DNAJC9: variants seen among roughly 807,000 people sequenced by gnomAD.
The protein encoded by DNAJC9 is DnaJ heat shock protein family (Hsp40) member C9, also known as dnaJ homolog subfamily C member 9.
In DNAJC9, 18 loss-of-function variants were observed where a neutral mutation model predicts 32.4. That is an observed-to-expected ratio of 0.56 (90% confidence interval 0.38 to 0.82). The LOEUF is 0.82. Among genes scored for constraint, DNAJC9 ranks in the 40% least tolerant of loss-of-function variants. DNAJC9 has a pLI of 0.00. For synonymous variants in DNAJC9, 113 were observed against 122.1 expected (o/e 0.93, Z 0.49); for missense variants, 310 against 321.8 (o/e 0.96, Z 0.28).
At chr10:73,244,409 A>C (rs1479061825) in intron 3 of DNAJC9, 1 of 152,348 alleles carries the variant, frequency 6.6e-6, no homozygotes, top group Non-Finnish European at 1.5e-5. Context: ...AGGTGGGAAG[A>C]TGGCTTCAGT....
chr10:73,234,943 A>G, downstream of DNAJC9: 1 of 1,551,886 alleles, frequency 6.4e-7, no homozygotes, highest in South Asian at 1.2e-5. Flanking sequence ...GACAGATGGT[A>G]TGTTTCTTTC....
chr10:73,244,857 C>A (rs1328964717), intron 3 of DNAJC9, among the ~76,000 whole-genome samples: 1 of 152,194 alleles, frequency 6.6e-6, no homozygotes, highest in African/African-American at 2.4e-5. Flanking sequence ...TTAGGACCCC[C>A]TATCCCAATA....
downstream of DNAJC9, chr10:73,241,582 G>C (rs2043953723): frequency 6.5e-6 from 1 of 154,626 alleles, no homozygotes; most frequent in Non-Finnish European, 1.4e-5. Context: ...TAAATGTTAA[G>C]CATTAGTATA....
At position 73,247,205 on chromosome 10, in the gene DNAJC9, G is replaced by A. The variant is rs749151712; in HGVS notation, c.-16C>T. 2.1e-4 allele frequency: 325 copies of A among 1,581,180 alleles called. 1 individual carries two copies. Among genetic ancestry groups the A allele is most frequent in the Non-Finnish European group, 2.5e-4 (289 of 1,164,874 alleles). On this transcript the variant is annotated 5_prime_UTR_variant, in exon 1 of 5. Coordinates refer to ENST00000372950, the MANE Select transcript of DNAJC9 (RefSeq NM_015190.5). ...GCAGCCCCATGCCGGGCGGAGATACGACCCCGGAGGAAGCAGCCGCTCCCA... is the reference window on the plus strand; with the variant it reads ...GCAGCCCCATGCCGGGCGGAGATACAACCCCGGAGGAAGCAGCCGCTCCCA...
downstream of DNAJC9, chr10:73,239,100 T>C: frequency 2.0e-6 from 1 of 500,334 alleles, no homozygotes; most frequent in Non-Finnish European, 3.6e-6. Flanking sequence ...TATTGAAGAA[T>C]CTGCAATTTT....
downstream of DNAJC9, among the ~76,000 whole-genome samples, chr10:73,237,668 T>A (rs1307537566): frequency 6.6e-6 from 1 of 152,104 alleles, no homozygotes; most frequent in African/African-American, 2.4e-5. Flanking sequence ...GTGATCCACC[T>A]ACCTTGGCCT....
At chr10:73,246,249 G>C in intron 2 of DNAJC9, 73 bp from the exon 3 acceptor site, 1 of 1,513,044 alleles carries the variant, frequency 6.6e-7, no homozygotes. Flanking sequence ...TAAAACTAGA[G>C]TTGGGTGTTG....
rs748071191 is a variant in DNAJC9, at chr10:73,246,860, T to A, written c.181-32A>T. 3.7e-6 allele frequency: 6 copies of A among 1,611,588 alleles called. No individual in the cohort carries two copies. In the Admixed American group the frequency reaches 1.0e-4, roughly 27 times the overall value. On this transcript the variant is annotated intron_variant, in intron 1 of 4. Coordinates refer to ENST00000372950, the MANE Select transcript of DNAJC9 (RefSeq NM_015190.5). ...GCAAAGAGTATCCGTAAATCACCCC[T>A]GCTCCTCCCACCGAAACGGCGGCGC...
In DNAJC9 at chr10:73,247,237, C is replaced by T. The variant is rs765177796; in HGVS notation, c.-48G>A. ...GAGGAAGCAGCCGCTCCCAGCTGCG[C>T]CGGGTACAACCCAGGACTGCTTCTT... On this transcript the variant is annotated 5_prime_UTR_variant, in exon 1 of 5. Coordinates refer to ENST00000372950, the MANE Select transcript of DNAJC9 (RefSeq NM_015190.5). 9 of 1,555,032 alleles carry T rather than the reference C, an allele frequency of 5.8e-6. No individual in the cohort carries two copies. Among genetic ancestry groups the T allele is most frequent in the Non-Finnish European group, 7.8e-6 (9 of 1,149,844 alleles).
At position 73,246,732 on chromosome 10, in the gene DNAJC9, G is replaced by C. The variant is rs758227759; in HGVS notation, c.277C>G (p.Gln93Glu). Residue 93 changes from glutamine (Q) to glutamate (E), a missense_variant, in exon 2 of 5, where the codon CAA (glutamine) becomes GAA (glutamate). By Grantham distance (29) the Gln-to-Glu change is conservative. Transcript: ENST00000372950. ...TVDEDSPVLT[Q>E]DRDWEAYWRL... ...CAATACGCCTCCCAGTCTCGGTCTTGGGTGAGCACAGGAGAGTCCTCGTCC... is the reference window on the plus strand; with the variant it reads ...CAATACGCCTCCCAGTCTCGGTCTTCGGTGAGCACAGGAGAGTCCTCGTCC... 3 of 1,614,054 alleles carry C rather than the reference G, an allele frequency of 1.9e-6. No homozygotes were observed. Among genetic ancestry groups the C allele is most frequent in the Non-Finnish European group, 1.7e-6 (2 of 1,179,944 alleles).
chr10:73,243,580 T>TA (rs1439745502), intron 4 of DNAJC9, 61 bp from the exon 5 acceptor site: 1 of 1,598,662 alleles, frequency 6.3e-7, no homozygotes, highest in Non-Finnish European at 8.5e-7. Context: ...AAGTACCTAG[T>TA]GGTTGCCAGG....
At chr10:73,241,808 G>A (rs995196458), downstream of DNAJC9, 8 of 152,104 alleles carry the variant, frequency 5.3e-5, no homozygotes, top group African/African-American at 1.4e-4. Context: ...ATCTACTATT[G>A]AGCCACCAAA....
chr10:73,246,942 G>C, intron 1 of DNAJC9, 68 bp downstream of exon 1: 13 of 1,568,298 alleles, frequency 8.3e-6, no homozygotes, highest in Non-Finnish European at 1.1e-5. Context: ...CCGGGGCGGG[G>C]CCCGGTAGCC....
chr10:73,238,458 C>A (rs910333745), downstream of DNAJC9, among the ~76,000 whole-genome samples: 2 of 152,246 alleles, frequency 1.3e-5, no homozygotes, highest in East Asian at 3.8e-4. Context: ...AGTTCCTGGG[C>A]TACTCACTTG....
chr10:73,247,227 C>T lies in DNAJC9; in HGVS notation c.-38G>A, dbSNP rs2044026012. The T allele has an allele frequency of 1.9e-6, 3 of 1,564,224 alleles. No individual in the cohort carries two copies. Among genetic ancestry groups the T allele is most frequent in the Non-Finnish European group, 2.6e-6 (3 of 1,155,310 alleles). On this transcript the variant is annotated 5_prime_UTR_variant, in exon 1 of 5. Transcript: ENST00000372950. The stretch of plus-strand genomic sequence containing the variant: ...TACGACCCCGGAGGAAGCAGCCGCT[C>T]CCAGCTGCGCCGGGTACAACCCAGG...
At chr10:73,239,238 C>T, downstream of DNAJC9, 1 of 1,276,670 alleles carries the variant, frequency 7.8e-7, no homozygotes, top group Non-Finnish European at 1.1e-6. Flanking sequence ...TCAAGGTGTT[C>T]CTGTGAACCT....
In DNAJC9 at chr10:73,246,168, TAA is replaced by T. The variant is rs751535349; in HGVS notation, c.328_329del (p.Leu110ArgfsTer7). 1.9e-6 allele frequency: 3 copies of T among 1,603,870 alleles called. No individual in the cohort carries two copies. The highest frequency in any genetic ancestry group is 3.3e-4 in the Middle Eastern group (2 of 6,036). On this transcript the variant is annotated frameshift_variant, in exon 3 of 5. Coordinates refer to ENST00000372950, the MANE Select transcript of DNAJC9 (RefSeq NM_015190.5). LOFTEE classifies it high-confidence loss of function. ...YWRLLFKKIS[L>X]EDIQAFEKTY... Reference sequence around the variant, plus strand: ...TCTTTTCAAAAGCTTGAATGTCCTCTAAAGATATCTGATGATAAAGGAGATTT... The same window carrying T: ...TCTTTTCAAAAGCTTGAATGTCCTCTAGATATCTGATGATAAAGGAGATTT...
intron 3 of DNAJC9, among the ~76,000 whole-genome samples, 171 bp downstream of exon 3, chr10:73,245,749 GAA>G (rs1340710156): frequency 6.6e-6 from 1 of 152,174 alleles, no homozygotes; most frequent in Non-Finnish European, 1.5e-5. Flanking sequence ...CAACATGCTA[GAA>G]AAAGTTTCTC....
rs59729317 is a variant in DNAJC9 at position 73,245,450 on chromosome 10, T to TA, written c.576+471dup. On this transcript the variant is annotated intron_variant, in intron 3 of 4. Transcript: ENST00000372950. The stretch of plus-strand genomic sequence containing the variant: ...GGACCGCTAAGCTAAAGTTTTTCTT[T>TA]AAAAAAAAAAAAAAGAAAAGAAAAA... Among the ~76,000 whole-genome samples, 1,119 of 137,592 alleles carry TA rather than the reference T, an allele frequency of 8.1e-3. 11 individuals are homozygous for TA. Among genetic ancestry groups the TA allele is most frequent in the African/African-American group, 0.021 (783 of 37,988 alleles). The allele number at this position is 137,592 out of a possible 152,430, so 90.3% of individuals were successfully genotyped here.
Sources: allele counts gnomAD v4.1 joint callset (sites outside exome capture counted in the v4.1 genomes callset), GRCh38; gene constraint gnomAD v4.1.1; transcripts MANE v1.5; gene names NCBI Gene and HGNC (gene_info 2026-07-23, HGNC 2026-07-21).